Variants in NRXN1 observed in about 807,000 individuals in gnomAD.
The protein encoded by NRXN1 is neurexin 1, also known as neurexin-1.
Under a neutral mutation model 150.9 loss-of-function variants are expected in NRXN1, and 39 were observed. The observed-to-expected ratio is 0.26, with a 90% confidence interval of 0.20 to 0.34. NRXN1 has a LOEUF of 0.34. Ranked by LOEUF, NRXN1 falls within the 10% of genes least tolerant of loss-of-function variation. The pLI is 1.00. For synonymous variants in NRXN1, 924 were observed against 757.0 expected (o/e 1.22, Z -3.62); for missense variants, 1,815 against 1,949.9 (o/e 0.93, Z 1.30).
rs148378597 is a variant in NRXN1 at position 50,117,269 on chromosome 2, C to T, written c.3547-25775G>A. 5.0e-3 allele frequency among the ~76,000 whole-genome samples: 763 copies of T among 152,156 alleles called. 4 individuals are homozygous for T. Among genetic ancestry groups the T allele is most frequent in the Middle Eastern group, 0.01 (3 of 294 alleles). On this transcript the variant is annotated intron_variant, in intron 18 of 22. Transcript: ENST00000401669. ...TTAGATTTATTGAGTTCCTTTAAGTCGGCAAGATCCCCAGAGTGTTGTGCA... is the reference window on the plus strand; with the variant it reads ...TTAGATTTATTGAGTTCCTTTAAGTTGGCAAGATCCCCAGAGTGTTGTGCA...
intron 5 of NRXN1, among the ~76,000 whole-genome samples, chr2:50,871,737 A>C (rs1677813957): frequency 6.6e-6 from 1 of 151,978 alleles, no homozygotes. Flanking sequence ...AAAATTTTCA[A>C]GATGAATGGT....
At chr2:50,739,715 A>G (rs1699202701) in intron 5 of NRXN1, among the ~76,000 whole-genome samples, 2 of 152,108 alleles carry the variant, frequency 1.3e-5, no homozygotes, top group South Asian at 4.1e-4. Context: ...GAATTTTAAC[A>G]TTGTCTTCAT....
intron 21 of NRXN1, among the ~76,000 whole-genome samples, chr2:49,964,520 C>A (rs1676592799): frequency 6.6e-6 from 1 of 151,070 alleles, no homozygotes; most frequent in Admixed American, 6.6e-5. Flanking sequence ...GTGGAGGTTG[C>A]GGTGAGCCGA....
intron 17 of NRXN1, among the ~76,000 whole-genome samples, chr2:50,266,677 G>T (rs939651071): frequency 2.0e-5 from 3 of 151,752 alleles, no homozygotes; most frequent in African/African-American, 7.3e-5. Context: ...AATAACACTG[G>T]CCAAGGCAAA....
chr2:50,935,570 T>C (rs1688411536), intron 2 of NRXN1, among the ~76,000 whole-genome samples: 1 of 151,970 alleles, frequency 6.6e-6, no homozygotes, highest in South Asian at 2.1e-4. Flanking sequence ...CTCTTAAAAA[T>C]ACAAAAATTA....
chr2:50,499,476 G>A (rs965067393), intron 13 of NRXN1, among the ~76,000 whole-genome samples: 3 of 152,074 alleles, frequency 2.0e-5, no homozygotes, highest in African/African-American at 7.2e-5. Context: ...GGTTTCTCCT[G>A]TGACATCATT....
At chr2:50,082,432 A>G (rs1235038081) in intron 19 of NRXN1, among the ~76,000 whole-genome samples, 1 of 152,228 alleles carries the variant, frequency 6.6e-6, no homozygotes, top group Non-Finnish European at 1.5e-5. Flanking sequence ...GGGAAATTTT[A>G]TGAAATTTTA....
chr2:50,233,616 A>G (rs2065161187), intron 18 of NRXN1, among the ~76,000 whole-genome samples: 1 of 152,136 alleles, frequency 6.6e-6, no homozygotes, highest in Non-Finnish European at 1.5e-5. Context: ...AAATCTGATC[A>G]GTACATAGTA....
intron 5 of NRXN1, chr2:50,829,573 C>T (rs1175261927): frequency 2.5e-6 from 4 of 1,611,892 alleles, no homozygotes; most frequent in Non-Finnish European, 2.5e-6. Flanking sequence ...AACTGAAGGT[C>T]CATGTAGCCA....
rs747424290 is a variant in NRXN1 at position 49,943,790 on chromosome 2, G to A, written c.4130C>T (p.Thr1377Ile). ...KPPTKEPISQ[T>I]TDDILVASAE... ...TGAGGCCACAAGGATGTCATCTGTG[G>A]TCTGCAAAAGAATCACATTCAGTAG... The change falls in exon 22 of 23, where the codon ACC (threonine) becomes ATC (isoleucine). Residue 1377 changes from threonine to isoleucine, a missense_variant and splice_region_variant. Physicochemically the swap from Thr to Ile is moderately conservative, Grantham distance 89 (BLOSUM62 -1). Transcript: ENST00000401669. The A allele has an allele frequency of 6.2e-7, 1 of 1,606,846 alleles. No homozygotes were observed.
chr2:50,689,573 A>C (rs533114987), intron 5 of NRXN1, among the ~76,000 whole-genome samples: 5 of 152,224 alleles, frequency 3.3e-5, no homozygotes, highest in African/African-American at 1.2e-4. Context: ...TATATTTTTA[A>C]TCTAAGTTTA....
At chr2:50,366,227 C>G (rs1300640031) in intron 17 of NRXN1, among the ~76,000 whole-genome samples, 1 of 150,534 alleles carries the variant, frequency 6.6e-6, no homozygotes, top group Non-Finnish European at 1.5e-5. Flanking sequence ...TGAGATTTCC[C>G]AGATTAAAAA....
intron 17 of NRXN1, among the ~76,000 whole-genome samples, chr2:50,405,480 A>G (rs570628172): frequency 8.5e-4 from 130 of 152,278 alleles, no homozygotes; most frequent in African/African-American, 3.0e-3. Flanking sequence ...TTTGCTTAGC[A>G]TATAGAAAAC....
chr2:50,873,568 G>T (rs1288788508), intron 5 of NRXN1, among the ~76,000 whole-genome samples: 1 of 151,714 alleles, frequency 6.6e-6, no homozygotes, highest in African/African-American at 2.4e-5. Context: ...TTTTCATTTT[G>T]GGCGGGGTGG....
At chr2:50,662,576 G>GTT (rs71226719) in intron 5 of NRXN1, among the ~76,000 whole-genome samples, 1 of 151,374 alleles carries the variant, frequency 6.6e-6, no homozygotes, top group African/African-American at 2.4e-5. Context: ...AACACTATGA[G>GTT]TTTTTTTTCT....
intron 5 of NRXN1, among the ~76,000 whole-genome samples, chr2:50,831,730 T>C (rs1443011223): frequency 6.6e-6 from 1 of 152,186 alleles, no homozygotes; most frequent in Non-Finnish European, 1.5e-5. Flanking sequence ...TTTCCAGCCT[T>C]GTAACAAGAG....
chr2:50,986,357 G>A (rs1019889547), intron 2 of NRXN1, among the ~76,000 whole-genome samples: 36 of 151,612 alleles, frequency 2.4e-4, no homozygotes, highest in African/African-American at 8.7e-4. Flanking sequence ...ATCCATGTGT[G>A]AGTTAAATAT....
intron 2 of NRXN1, among the ~76,000 whole-genome samples, chr2:50,980,204 A>G (rs1461765373): frequency 6.6e-6 from 1 of 152,090 alleles, no homozygotes; most frequent in Non-Finnish European, 1.5e-5. Flanking sequence ...TCCTGGGTTC[A>G]AGCAATTCTC....
intron 18 of NRXN1, among the ~76,000 whole-genome samples, chr2:50,200,089 G>C (rs963217769): frequency 6.6e-6 from 1 of 151,974 alleles, no homozygotes; most frequent in Non-Finnish European, 1.5e-5. Flanking sequence ...TTACTTTATA[G>C]TTTATGAATG....
Sources: allele counts gnomAD v4.1 joint callset (sites outside exome capture counted in the v4.1 genomes callset), GRCh38; gene constraint gnomAD v4.1.1; transcripts MANE v1.5; gene names NCBI Gene and HGNC (gene_info 2026-07-23, HGNC 2026-07-21).